The following GABRG1 variants were observed in gnomAD, a reference collection of about 807,000 sequenced individuals.
GABRG1 encodes the protein gamma-aminobutyric acid receptor subunit gamma-1.
A neutral mutation model predicts 49.8 loss-of-function variants in GABRG1; 49 were observed. That is an observed-to-expected ratio of 0.98 (90% confidence interval 0.78 to 1.25). GABRG1 has a LOEUF of 1.25. Among genes scored for constraint, GABRG1 ranks in the 50% most tolerant of loss-of-function variants. GABRG1 has a pLI of 0.00. For missense variants in GABRG1, 552 were observed against 552.3 expected, an observed-to-expected ratio of 1.00 and a Z score of 0.01; for synonymous variants, 232 against 185.1, an observed-to-expected ratio of 1.25 and a Z score of -2.06.
intron 2 of GABRG1, among the ~76,000 whole-genome samples, chr4:46,093,935 G>A (rs566988813): frequency 2.0e-5 from 3 of 151,918 alleles, no homozygotes; most frequent in African/African-American, 7.2e-5. Context: ...ATACATTTGA[G>A]CAACAAGAAT....
rs1472610140 is a variant in GABRG1 at position 46,036,770 on chromosome 4, A to T, written c.*4218T>A. Reference sequence around the variant, plus strand: ...TTATATTCCAAACCATCACACACAAATAAGATGAAACTTCTGCAGAAATTT... The same window carrying T: ...TTATATTCCAAACCATCACACACAATTAAGATGAAACTTCTGCAGAAATTT... On this transcript the variant is annotated 3_prime_UTR_variant, in exon 9 of 9. Coordinates refer to ENST00000295452, the MANE Select transcript of GABRG1 (RefSeq NM_173536.4). 6.6e-6 allele frequency: 1 copy of T among 151,974 alleles called. No individual in the cohort carries two copies. The highest frequency in any genetic ancestry group is 1.5e-5 in the Non-Finnish European group (1 of 67,894). The allele number at this position is 151,974 out of a possible 1,614,324, so 9.4% of individuals were successfully genotyped here.
Position 46,058,670 on chromosome 4 carries a change from T to TTGCATTGAAGATAA in GABRG1, c.626-49_626-48insTTATCTTCAATGCA, listed in dbSNP as rs1718551875. The TTGCATTGAAGATAA allele has an allele frequency of 2.1e-6, 3 of 1,440,632 alleles. No individual in the cohort carries two copies. In the African/African-American group the frequency reaches 4.2e-5, roughly 20 times the overall value. The allele number at this position is 1,440,632 out of a possible 1,614,324, so 89.2% of individuals were successfully genotyped here. On this transcript the variant is annotated intron_variant, in intron 5 of 8. Coordinates refer to ENST00000295452, the MANE Select transcript of GABRG1 (RefSeq NM_173536.4). ...TTAGCAAGATCCAAATTTGATACCA[T>TTGCATTGAAGATAA]TGCAATGCCAACATTATCCAAAGGT...
At chr4:46,042,521 T>A (rs968841574) in intron 8 of GABRG1, among the ~76,000 whole-genome samples, 8 of 152,004 alleles carry the variant, frequency 5.3e-5, no homozygotes, top group Non-Finnish European at 8.8e-5. Flanking sequence ...AAAATTGTTT[T>A]AACCAGCTCT....
intron 1 of GABRG1, among the ~76,000 whole-genome samples, chr4:46,100,101 A>G (rs2109433072): frequency 6.6e-6 from 1 of 151,928 alleles, no homozygotes; most frequent in South Asian, 2.1e-4. Flanking sequence ...GTACATCATT[A>G]CAGTAATTAT....
chr4:46,068,156 T>C (rs1718987577), intron 3 of GABRG1, among the ~76,000 whole-genome samples: 2 of 152,168 alleles, frequency 1.3e-5, no homozygotes, highest in South Asian at 2.1e-4. Flanking sequence ...AACTCTACTA[T>C]GGTAAACTAA....
intron 3 of GABRG1, among the ~76,000 whole-genome samples, chr4:46,073,742 C>A (rs538267643): frequency 1.6e-4 from 24 of 152,076 alleles, no homozygotes; most frequent in South Asian, 4.1e-4. Flanking sequence ...TACATAAGTA[C>A]CTATGATAAT....
chr4:46,071,321 T>C (rs1259301827), intron 3 of GABRG1, among the ~76,000 whole-genome samples: 1 of 151,418 alleles, frequency 6.6e-6, no homozygotes, highest in Non-Finnish European at 1.5e-5. Flanking sequence ...AACAAATATA[T>C]ATGTTAACTG....
intron 3 of GABRG1, among the ~76,000 whole-genome samples, chr4:46,083,082 G>A (rs1483100994): frequency 6.6e-6 from 1 of 151,604 alleles, no homozygotes; most frequent in Non-Finnish European, 1.5e-5. Flanking sequence ...GGGTACATAG[G>A]CCTGCACTGT....
At chr4:46,075,791 A>G (rs1392529463) in intron 3 of GABRG1, among the ~76,000 whole-genome samples, 1 of 152,094 alleles carries the variant, frequency 6.6e-6, no homozygotes, top group African/African-American at 2.4e-5. Context: ...TTTGGAGTTT[A>G]TATAATATCT....
chr4:46,053,415 A>C (rs2109399195), intron 7 of GABRG1, among the ~76,000 whole-genome samples: 1 of 145,822 alleles, frequency 6.9e-6, no homozygotes, highest in South Asian at 2.1e-4. Context: ...TAGTTCTAAC[A>C]ATGAATGAGA....
At chr4:46,090,933 TACACACAC>T (rs34374380) in intron 2 of GABRG1, among the ~76,000 whole-genome samples, 1 of 139,270 alleles carries the variant, frequency 7.2e-6, no homozygotes, top group African/African-American at 2.7e-5. Flanking sequence ...TTCCCTGGAA[TACACACAC>T]ACACACACAC....
intron 7 of GABRG1, among the ~76,000 whole-genome samples, chr4:46,057,353 C>A (rs915638667): frequency 2.6e-5 from 4 of 152,018 alleles, no homozygotes; most frequent in Non-Finnish European, 5.9e-5. Flanking sequence ...ATATAAACTT[C>A]TTTGTGGTTA....
rs1236407201 is a variant in GABRG1 at position 46,037,069 on chromosome 4, T to C, written c.*3919A>G. On this transcript the variant is annotated 3_prime_UTR_variant, in exon 9 of 9. Transcript: ENST00000295452. ...CCCAGCTCGCATCTCTAAACACATA[T>C]CCTCCACAAAACCTTCCCAAAGTTA... 1 of 151,818 alleles carries C rather than the reference T, an allele frequency of 6.6e-6. No homozygotes were observed. The highest frequency in any genetic ancestry group is 1.5e-5 in the Non-Finnish European group (1 of 67,832). The allele number at this position is 151,818 out of a possible 1,614,324, so 9.4% of individuals were successfully genotyped here.
At chr4:46,114,425 G>A (rs964540988) in intron 1 of GABRG1, among the ~76,000 whole-genome samples, 1 of 150,972 alleles carries the variant, frequency 6.6e-6, no homozygotes, top group African/African-American at 2.4e-5. Flanking sequence ...AGTGTGTCCT[G>A]TATGCTTCCA....
At chr4:46,105,719 T>G (rs1720510157) in intron 1 of GABRG1, among the ~76,000 whole-genome samples, 1 of 147,910 alleles carries the variant, frequency 6.8e-6, no homozygotes, top group Admixed American at 6.7e-5. Context: ...CCTCCAATTT[T>G]CTAAAATTAC....
In GABRG1 at chr4:46,039,547, C is replaced by G. The variant is rs1218661004; in HGVS notation, c.*1441G>C. Reference sequence around the variant, plus strand: ...AGGCTGTGATCATAAAACTCTTCATCATGGTCATTGGTCTTGGCAACAGAA... The same window carrying G: ...AGGCTGTGATCATAAAACTCTTCATGATGGTCATTGGTCTTGGCAACAGAA... On this transcript the variant is annotated 3_prime_UTR_variant, in exon 9 of 9. Coordinates refer to ENST00000295452, the MANE Select transcript of GABRG1 (RefSeq NM_173536.4). 6.6e-6 allele frequency: 1 copy of G among 151,602 alleles called. No homozygotes were observed. Among genetic ancestry groups the G allele is most frequent in the Non-Finnish European group, 1.5e-5 (1 of 67,730 alleles). The allele number at this position is 151,602 out of a possible 1,614,324, so 9.4% of individuals were successfully genotyped here. A position where few individuals can be genotyped will look rare whatever the true frequency, so the allele number is the denominator to read the frequency against.
chr4:46,120,504 C>T (rs989459246), intron 1 of GABRG1, among the ~76,000 whole-genome samples: 1 of 151,616 alleles, frequency 6.6e-6, no homozygotes, highest in Non-Finnish European at 1.5e-5. Flanking sequence ...ACGACATTTG[C>T]ATTTTAGCTT....
intron 1 of GABRG1, among the ~76,000 whole-genome samples, chr4:46,113,413 T>C (rs181147575): frequency 1.3e-3 from 199 of 150,998 alleles, no homozygotes; most frequent in African/African-American, 4.6e-3. Flanking sequence ...GAGAACAGCA[T>C]AGGGGTAACT....
intron 5 of GABRG1, among the ~76,000 whole-genome samples, chr4:46,059,859 C>A (rs577825108): frequency 2.0e-5 from 3 of 152,024 alleles, no homozygotes; most frequent in African/African-American, 7.2e-5. Context: ...TAAAACCTAG[C>A]CTTTAAAAAG....
Sources: allele counts gnomAD v4.1 joint callset (sites outside exome capture counted in the v4.1 genomes callset), GRCh38; gene constraint gnomAD v4.1.1; transcripts MANE v1.5; gene names NCBI Gene and HGNC (gene_info 2026-07-23, HGNC 2026-07-21).